HECW1: variants seen among roughly 807,000 people sequenced by gnomAD.
HECW1 encodes HECT, C2 and WW domain containing E3 ubiquitin protein ligase 1.
A neutral mutation model predicts 182.3 loss-of-function variants in HECW1; 61 were observed. That is an observed-to-expected ratio of 0.33 (90% confidence interval 0.27 to 0.41). The LOEUF (loss-of-function observed/expected upper bound fraction) is 0.41, where lower values mean the gene tolerates loss of function less well. Ranked by LOEUF, HECW1 falls within the 10% of genes least tolerant of loss-of-function variation. The probability of loss-of-function intolerance (pLI) is 1.00; values close to 1 mark genes in which losing one functional copy is unlikely to be tolerated. For missense variants in HECW1, 1,739 were observed against 2,108.9 expected, an observed-to-expected ratio of 0.82 and a Z score of 3.44; for synonymous variants, 859 against 832.6, an observed-to-expected ratio of 1.03 and a Z score of -0.55.
chr7:43,137,526 TC>T (rs1287110582), intron 2 of HECW1, among the ~76,000 whole-genome samples: 2 of 105,604 alleles, frequency 1.9e-5, no homozygotes, highest in African/African-American at 3.2e-5. Context: ...CTTTCTGCCT[TC>T]TTTTATTTAT....
At chr7:43,256,701 AG>A (rs1169070294) in intron 3 of HECW1, among the ~76,000 whole-genome samples, 2 of 152,180 alleles carry the variant, frequency 1.3e-5, no homozygotes, top group Non-Finnish European at 2.9e-5. Flanking sequence ...ATTAATAAGT[AG>A]TACATTAGCT....
At chr7:43,190,053 C>T (rs1430167585) in intron 2 of HECW1, among the ~76,000 whole-genome samples, 1 of 152,122 alleles carries the variant, frequency 6.6e-6, no homozygotes, top group Non-Finnish European at 1.5e-5. Flanking sequence ...CTGACATTTC[C>T]TTCACACACC....
intron 8 of HECW1, among the ~76,000 whole-genome samples, chr7:43,419,463 A>G (rs1456885782): frequency 6.6e-6 from 1 of 152,164 alleles, no homozygotes; most frequent in East Asian, 1.9e-4. Flanking sequence ...CCATCTCTTC[A>G]CTGTACTTTA....
intron 2 of HECW1, among the ~76,000 whole-genome samples, chr7:43,165,329 A>G (rs1414071916): frequency 4.0e-5 from 6 of 151,598 alleles, no homozygotes; most frequent in African/African-American, 1.2e-4. Context: ...CAACTTTAGA[A>G]CACTGTGTAT....
intron 29 of HECW1, among the ~76,000 whole-genome samples, chr7:43,560,354 A>T (rs1050007497): frequency 6.6e-6 from 1 of 152,204 alleles, no homozygotes; most frequent in Non-Finnish European, 1.5e-5. Context: ...GAATTCTGCC[A>T]ATCTGTATTC....
chr7:43,302,383 G>A (rs912050328), intron 3 of HECW1, among the ~76,000 whole-genome samples: 4 of 152,242 alleles, frequency 2.6e-5, no homozygotes, highest in Non-Finnish European at 5.9e-5. Context: ...GTGAATAAGA[G>A]GAGGGGCTGG....
chr7:43,446,019 T>C (rs553209578), intron 11 of HECW1, among the ~76,000 whole-genome samples: 2 of 152,322 alleles, frequency 1.3e-5, no homozygotes, highest in African/African-American at 4.8e-5. Context: ...TAGATGTTAA[T>C]ATTAGTTGAA....
chr7:43,469,313 A>G (rs1020637601), intron 16 of HECW1, among the ~76,000 whole-genome samples: 8 of 152,206 alleles, frequency 5.3e-5, no homozygotes, highest in African/African-American at 1.9e-4. Flanking sequence ...CTTACGGGAC[A>G]TTAGCAGCAC....
chr7:43,503,478 A>G (rs1010445452), intron 21 of HECW1, among the ~76,000 whole-genome samples: 1 of 152,232 alleles, frequency 6.6e-6, no homozygotes, highest in Admixed American at 6.5e-5. Context: ...AAATAGAAAA[A>G]TAAGAGTAAA....
intron 7 of HECW1, among the ~76,000 whole-genome samples, chr7:43,403,412 T>A (rs1269063323): frequency 1.3e-5 from 2 of 152,230 alleles, no homozygotes; most frequent in Non-Finnish European, 2.9e-5. Flanking sequence ...CAGTTTATTA[T>A]GCAGATTCGT....
chr7:43,533,286 G>T (rs890350706), intron 24 of HECW1, among the ~76,000 whole-genome samples: 4 of 152,150 alleles, frequency 2.6e-5, no homozygotes, highest in Non-Finnish European at 4.4e-5. Context: ...GCAAGTCCTG[G>T]TCCATTACCA....
At chr7:43,261,128 A>G (rs1801122248) in intron 3 of HECW1, among the ~76,000 whole-genome samples, 1 of 152,242 alleles carries the variant, frequency 6.6e-6, no homozygotes, top group African/African-American at 2.4e-5. Context: ...ACAAGGAAGT[A>G]TAATGAGGAT....
chr7:43,504,298 A>G (rs2079489111), intron 21 of HECW1, among the ~76,000 whole-genome samples: 2 of 152,268 alleles, frequency 1.3e-5, no homozygotes, highest in South Asian at 4.1e-4. Context: ...TGACCTTGTG[A>G]TCATCTCCAC....
At chr7:43,304,578 C>T (rs1009608624) in intron 3 of HECW1, among the ~76,000 whole-genome samples, 1 of 152,024 alleles carries the variant, frequency 6.6e-6, no homozygotes, top group African/African-American at 2.4e-5. Flanking sequence ...GCAGCCTCCA[C>T]CTCCCTGGTT....
intron 5 of HECW1, among the ~76,000 whole-genome samples, chr7:43,325,084 C>T (rs553652488): frequency 1.3e-5 from 2 of 152,282 alleles, no homozygotes; most frequent in African/African-American, 4.8e-5. Context: ...CAAGGAGTAA[C>T]ATACCTGATA....
At chr7:43,442,669 T>C (rs2076925372) in intron 10 of HECW1, 40 bp downstream of exon 10, 1 of 1,324,706 alleles carries the variant, frequency 7.5e-7, no homozygotes, top group Non-Finnish European at 1.1e-6. Flanking sequence ...CCTAGGCTAG[T>C]GTCATAAGTG....
At chr7:43,153,630 A>G (rs575246143) in intron 2 of HECW1, among the ~76,000 whole-genome samples, 1 of 152,342 alleles carries the variant, frequency 6.6e-6, no homozygotes, top group East Asian at 1.9e-4. Flanking sequence ...TTGAAGAAGG[A>G]CAGAGGTTTC....
rs28485734 is a variant in HECW1 at position 43,480,657 on chromosome 7, G to A, written c.3234+913G>A. On this transcript the variant is annotated intron_variant, in intron 17 of 29. Transcript: ENST00000395891. ...TGTGTGTACATATGTGTGTGTGTGT[G>A]TATATATATACACACACATATATAC... is the stretch of plus-strand genomic sequence containing the variant. Among the ~76,000 whole-genome samples, 631 of 148,216 alleles carry A rather than the reference G, an allele frequency of 4.3e-3. 4 individuals carry two copies. Among genetic ancestry groups the A allele is most frequent in the African/African-American group, 0.014 (573 of 40,148 alleles).
intron 8 of HECW1, among the ~76,000 whole-genome samples, chr7:43,415,983 C>T (rs1247341452): frequency 1.1e-4 from 16 of 143,716 alleles, no homozygotes; most frequent in African/African-American, 4.3e-4. Context: ...AATGTCCTCC[C>T]ATAGCTCAGA....
Sources: gnomAD v4.1 joint callset for allele counts (sites outside exome capture counted in the v4.1 genomes callset) on GRCh38, gnomAD v4.1.1 for gene constraint, MANE v1.5 for transcripts, NCBI Gene and HGNC (gene_info 2026-07-23, HGNC 2026-07-21) for gene names.